The following MED24 variants were observed in gnomAD, a reference collection of about 807,000 sequenced individuals.
The protein encoded by MED24 is mediator complex subunit 24, also known as mediator of RNA polymerase II transcription subunit 24.
Under a neutral mutation model 118.8 loss-of-function variants are expected in MED24, and 74 were observed. The ratio of observed to expected loss-of-function variants is 0.62; its 90% CI spans 0.52 to 0.76. The LOEUF (loss-of-function observed/expected upper bound fraction) is 0.76. Among genes scored for constraint, MED24 ranks in the 30% least tolerant of loss-of-function variants. The pLI is 0.00. For missense variants in MED24, 1,041 were observed against 1,278.9 expected (o/e 0.81, Z 2.84); for synonymous variants, 521 against 523.9 (o/e 0.99, Z 0.08).
chr17:40,038,658 C>G (rs1399893690), intron 3 of MED24, among the ~76,000 whole-genome samples: 1 of 151,006 alleles, frequency 6.6e-6, no homozygotes, highest in Non-Finnish European at 1.5e-5. Context: ...TTGCAGAGAG[C>G]CAAGATCGCA....
rs1329095597 is a variant in MED24, at chr17:40,033,356, G to A, written c.660C>T (p.Thr220=). The A allele has an allele frequency of 1.2e-6, 2 of 1,613,168 alleles. No individual in the cohort carries two copies. The highest frequency in any genetic ancestry group is 1.3e-5 in the African/African-American group (1 of 75,028). ...CAGGGAGCCGGTACCTCCTAATGAG[G>A]GTGCCACACTGCTCGGCCTGACTCC... is the stretch of plus-strand genomic sequence containing the variant. ...QLRSQAEQCG[T]LIRSIPTMLS... The change falls in exon 7 of 26, where the codon ACC becomes ACT. Residue 220 remains threonine, a synonymous_variant. Transcript: ENST00000394128. The surrounding 1 kb of genome is among the most constrained non-coding windows in gnomAD (Gnocchi z 5.2).
chr17:40,019,384 G>A lies in MED24; in HGVS notation c.*145C>T, dbSNP rs1981659763. Reference sequence around the variant, plus strand: ...AGACATCCTGGAGGTCAGGAGTCAGGAGCGGGGAACTGGAAGCCGCTAGAG... The same window carrying A: ...AGACATCCTGGAGGTCAGGAGTCAGAAGCGGGGAACTGGAAGCCGCTAGAG... On this transcript the variant is annotated 3_prime_UTR_variant, in exon 26 of 26. Coordinates refer to ENST00000394128, the MANE Select transcript of MED24 (RefSeq NM_014815.4). 7 of 683,562 alleles carry A rather than the reference G, an allele frequency of 1.0e-5. No homozygotes were observed. The highest frequency in any genetic ancestry group is 7.2e-5 in the South Asian group (4 of 55,944). 42.3% of individuals were successfully genotyped at this position (683,562 alleles called of 1,614,324 possible).
chr17:40,021,683 G>A (rs1013638784), intron 23 of MED24, among the ~76,000 whole-genome samples: 1 of 85,684 alleles, frequency 1.2e-5, no homozygotes, highest in Non-Finnish European at 2.7e-5. Flanking sequence ...TCAACCCTGG[G>A]GTAAGGGAGG....
Position 40,028,842 on chromosome 17 carries a change from C to A in MED24, c.1393G>T (p.Ala465Ser), listed in dbSNP as rs1380333155. The change falls in exon 14 of 26, where the codon GCC (alanine) becomes TCC (serine). Residue 465 changes from alanine (A) to serine (S), a missense_variant. Physicochemically the swap from Ala to Ser is moderately conservative, Grantham distance 99. This residue lies in a region of MED24 where 587 missense variants were observed against 694.4 expected (regional missense o/e 0.85). Transcript: ENST00000394128. ...CTTCCTCACTTGATGAATTTCCGGG[C>A]GAAGGATTTCAGCTTTCCAGTGGCG... ...AAATGKLKSF[A>S]RKFINLNEFT... The A allele has an allele frequency of 1.2e-6, 2 of 1,613,972 alleles. No homozygotes were observed. Among genetic ancestry groups the A allele is most frequent in the Admixed American group, 1.7e-5 (1 of 60,016 alleles).
At position 40,043,890 on chromosome 17, in the gene MED24, C is replaced by CAAAAAAAAAAAAA. The variant is rs35743512; in HGVS notation, c.214-7749_214-7737dup. Among the ~76,000 whole-genome samples, 439 of 97,250 alleles carry CAAAAAAAAAAAAA rather than the reference C, an allele frequency of 4.5e-3. 13 individuals carry two copies. Among genetic ancestry groups the CAAAAAAAAAAAAA allele is most frequent in the South Asian group, 0.011 (30 of 2,782 alleles). The allele number at this position is 97,250 out of a possible 152,430, so 63.8% of individuals were successfully genotyped here. A position where few individuals can be genotyped will look rare whatever the true frequency, so the allele number is the denominator to read the frequency against. On this transcript the variant is annotated intron_variant, in intron 3 of 25. Transcript: ENST00000394128. The stretch of plus-strand genomic sequence containing the variant: ...TGGGCAGAAGAGCGAGACTCCATCT[C>CAAAAAAAAAAAAA]AAAAAAAAAAAAAACAAAGATTTAA...
At chr17:40,027,120 C>G in intron 16 of MED24, 86 bp from the exon 17 acceptor site, 1 of 1,496,150 alleles carries the variant, frequency 6.7e-7, no homozygotes, top group Non-Finnish European at 9.1e-7. Context: ...TGTTTCCCGC[C>G]AGGCTGCTGC....
At chr17:40,027,609 G>T in intron 15 of MED24, 144 bp from the exon 16 acceptor site, 1 of 777,816 alleles carries the variant, frequency 1.3e-6, no homozygotes, top group Non-Finnish European at 2.1e-6. Context: ...TCCTTTTCTT[G>T]AGTCTCAACT....
At chr17:40,051,486 C>T (rs577433705) in intron 3 of MED24, among the ~76,000 whole-genome samples, 4 of 151,778 alleles carry the variant, frequency 2.6e-5, no homozygotes, top group South Asian at 4.2e-4. Context: ...TAGTGGCACA[C>T]GCCTGTAGTC....
At chr17:40,023,707 TG>T in intron 19 of MED24, 1 of 295,830 alleles carries the variant, frequency 3.4e-6, no homozygotes, top group Non-Finnish European at 6.3e-6. Flanking sequence ...CCCCCAGGCC[TG>T]GGCCCTGCCA....
chr17:40,040,688 G>A (rs1014314706), intron 3 of MED24, among the ~76,000 whole-genome samples: 6 of 149,642 alleles, frequency 4.0e-5, no homozygotes, highest in South Asian at 2.1e-4. Flanking sequence ...GCGCGATCTC[G>A]GCTCACTGCA....
rs898644138 is a variant in MED24, at chr17:40,021,902, G to A, written c.2623+53C>T. On this transcript the variant is annotated intron_variant, in intron 23 of 25. Coordinates refer to ENST00000394128, the MANE Select transcript of MED24 (RefSeq NM_014815.4). ...GGGGCAGCGGCAGAGTGGCAGCATC[G>A]GGGAGTGAATTCCCAGGAAAAGGAG... 2.0e-5 allele frequency: 27 copies of A among 1,319,798 alleles called. No homozygotes were observed. In the South Asian group the frequency reaches 2.2e-4, roughly 11 times the overall value. The allele number at this position is 1,319,798 out of a possible 1,614,324, so 81.8% of individuals were successfully genotyped here.
intron 3 of MED24, among the ~76,000 whole-genome samples, chr17:40,038,036 C>T (rs187912195): frequency 5.3e-5 from 8 of 152,230 alleles, no homozygotes; most frequent in Admixed American, 1.3e-4. Flanking sequence ...ATGATATACT[C>T]GTATACAATG....
chr17:40,041,547 GC>G (rs1568171311), intron 3 of MED24, among the ~76,000 whole-genome samples: 1 of 152,126 alleles, frequency 6.6e-6, no homozygotes, highest in East Asian at 1.9e-4. Context: ...ATGTTCAACT[GC>G]CTACCGAGTA....
intron 11 of MED24, 86 bp from the exon 12 acceptor site, chr17:40,031,331 C>A: frequency 2.9e-6 from 4 of 1,369,810 alleles, no homozygotes; most frequent in Non-Finnish European, 4.1e-6. Flanking sequence ...GCAGCATCCT[C>A]CCTCTTTCAG....
rs1983011830 is a variant in MED24 at position 40,028,712 on chromosome 17, C to G, written c.1409+114G>C. 15 of 1,430,188 alleles carry G rather than the reference C, an allele frequency of 1.0e-5. No homozygotes were observed. The South Asian group carries it at 1.9e-4, about 18-fold the overall frequency. The allele number at this position is 1,430,188 out of a possible 1,614,324, so 88.6% of individuals were successfully genotyped here. A position where few individuals can be genotyped will look rare whatever the true frequency, so the allele number is the denominator to read the frequency against. On this transcript the variant is annotated intron_variant, in intron 14 of 25. Transcript: ENST00000394128. ...CTCCAGCCAGGATGCTCTGCCTAGG[C>G]CCGTGGGTCTCTGGATGAGACCCAG...
Position 40,033,725 on chromosome 17 carries a change from C to A in MED24, c.560-269G>T, listed in dbSNP as rs1291370436. The stretch of plus-strand genomic sequence containing the variant: ...CAGCTGACTTCAGAAGGTATGGCAT[C>A]ACACAGGCTCAGGAGAGAGAGGCAG... On this transcript the variant is annotated intron_variant, in intron 6 of 25. Transcript: ENST00000394128. This position sits in a 1 kb window ranked among gnomAD's most constrained non-coding sequence, Gnocchi z 5.2. 3 of 594,158 alleles carry A rather than the reference C, an allele frequency of 5.0e-6. No individual in the cohort carries two copies. The highest frequency in any genetic ancestry group is 9.5e-6 in the Non-Finnish European group (3 of 316,628). 36.8% of individuals were successfully genotyped at this position (594,158 alleles called of 1,614,324 possible).
At chr17:40,024,118 G>C (rs551593069) in intron 19 of MED24, among the ~76,000 whole-genome samples, 2 of 152,274 alleles carry the variant, frequency 1.3e-5, no homozygotes, top group African/African-American at 2.4e-5. Context: ...GGTAGGGCGG[G>C]GGGGAAGGTG....
In MED24 at chr17:40,036,266, C is replaced by T. The variant is rs931379688; in HGVS notation, c.214-112G>A. The T allele has an allele frequency of 4.7e-6, 5 of 1,067,394 alleles. No homozygotes were observed. The East Asian group carries it at 1.2e-4, about 26-fold the overall frequency. The allele number at this position is 1,067,394 out of a possible 1,614,324, so 66.1% of individuals were successfully genotyped here. The stretch of plus-strand genomic sequence containing the variant: ...CTCTCCTGAACCTCAACCCCTTCCA[C>T]AGGCCCTCTTCAACCCAAGCAAGGA... On this transcript the variant is annotated intron_variant, in intron 3 of 25. Coordinates refer to ENST00000394128, the MANE Select transcript of MED24 (RefSeq NM_014815.4).
chr17:40,036,482 A>C (rs1475971530), intron 3 of MED24, among the ~76,000 whole-genome samples: 11 of 152,094 alleles, frequency 7.2e-5, no homozygotes, highest in Non-Finnish European at 1.5e-5. Flanking sequence ...CGAGGTGAGG[A>C]GTTTGAGACC....
Sources: gnomAD v4.1 joint callset for allele counts (sites outside exome capture counted in the v4.1 genomes callset) on GRCh38, gnomAD v4.1.1 for gene constraint, gnomAD v4.1.1 regional missense constraint, Gnocchi (gnomAD v3.1) non-coding constraint, MANE v1.5 for transcripts, NCBI Gene and HGNC (gene_info 2026-07-23, HGNC 2026-07-21) for gene names.